AP1S3: variants seen among roughly 807,000 people sequenced by gnomAD.
AP1S3 encodes AP-1 complex subunit sigma-3.
Under a neutral mutation model 20.9 loss-of-function variants are expected in AP1S3, and 10 were observed. That is an observed-to-expected ratio of 0.48 (90% CI 0.29 to 0.81). The LOEUF is 0.81. AP1S3 is among the 30% of genes least tolerant of loss of function. The pLI, the probability that AP1S3 is intolerant of heterozygous loss-of-function variation, is 0.08. For synonymous variants in AP1S3, 41 were observed against 61.5 expected (o/e 0.67, Z 1.56); for missense variants, 154 against 183.8 (o/e 0.84, Z 0.94).
rs187274102 is a variant in AP1S3 at position 223,771,107 on chromosome 2, G to A, written c.291+4794C>T. Among the ~76,000 whole-genome samples, 1,322 of 151,988 alleles carry A rather than the reference G, an allele frequency of 8.7e-3. 14 individuals are homozygous for A. Among genetic ancestry groups the A allele is most frequent in the Non-Finnish European group, 0.014 (959 of 67,976 alleles). ...CCCAGCACTTTGGGGGGGCTGAGGC[G>A]GGCTGATCATTTGAGGTCAAGAGTT... On this transcript the variant is annotated intron_variant, in intron 3 of 4. Transcript: ENST00000396654.
chr2:223,830,336 G>A (rs544533745), intron 1 of AP1S3, among the ~76,000 whole-genome samples: 13 of 151,778 alleles, frequency 8.6e-5, no homozygotes, highest in South Asian at 6.3e-4. Flanking sequence ...AAAATTAGCC[G>A]GGCGTGTTGG....
intron 1 of AP1S3, among the ~76,000 whole-genome samples, chr2:223,835,075 T>C (rs1354627021): frequency 6.6e-6 from 1 of 151,632 alleles, no homozygotes; most frequent in Admixed American, 6.6e-5. Flanking sequence ...AGTTTTGACC[T>C]TGCAGACCTC....
In AP1S3 at chr2:223,757,610, T is replaced by C. The variant is rs1444261332; in HGVS notation, c.*1105A>G. 2.0e-6 allele frequency: 2 copies of C among 985,428 alleles called. No individual in the cohort carries two copies. The highest frequency in any genetic ancestry group is 2.4e-6 in the Non-Finnish European group (2 of 829,946). The allele number at this position is 985,428 out of a possible 1,614,324, so 61.0% of individuals were successfully genotyped here. A position where few individuals can be genotyped will look rare whatever the true frequency, so the allele number is the denominator to read the frequency against. The stretch of plus-strand genomic sequence containing the variant: ...GCCTACAAGCTATTTCCCTGTAATA[T>C]GTCTGATCACTGTTAGGACCTGGTT... On this transcript the variant is annotated 3_prime_UTR_variant, in exon 5 of 5. Transcript: ENST00000396654.
At chr2:223,760,056 A>G (rs2106074224) in intron 4 of AP1S3, among the ~76,000 whole-genome samples, 1 of 152,276 alleles carries the variant, frequency 6.6e-6, no homozygotes, top group Middle Eastern at 3.4e-3. Flanking sequence ...ACTCACAATT[A>G]CAGGTAGAGT....
At position 223,757,775 on chromosome 2, in the gene AP1S3, C is replaced by A; in HGVS notation, c.*940G>T. 1 of 985,390 alleles carries A rather than the reference C, an allele frequency of 1.0e-6. No individual in the cohort carries two copies. The highest frequency in any genetic ancestry group is 1.2e-6 in the Non-Finnish European group (1 of 829,918). The allele number at this position is 985,390 out of a possible 1,614,324, so 61.0% of individuals were successfully genotyped here. On this transcript the variant is annotated 3_prime_UTR_variant, in exon 5 of 5. Coordinates refer to ENST00000396654, the MANE Select transcript of AP1S3 (RefSeq NM_001039569.2). ...AATCTACCATATAGGCTGTGATAAT[C>A]TTAAATGCTCTAAGTAAGCCATGTA...
chr2:223,777,737 TCCTGTGA>T lies in AP1S3; in HGVS notation c.129_135del (p.His44GlnfsTer10), dbSNP rs1459220304. 1.9e-6 allele frequency: 3 copies of T among 1,614,026 alleles called. No homozygotes were observed. The highest frequency in any genetic ancestry group is 2.5e-6 in the Non-Finnish European group (3 of 1,180,028). ...TCCTTCCAGTCAACAAAACTGCTTG[TCCTGTGA>T]CCACGGGAGAGAATAATCTGAACAA... On this transcript the variant is annotated frameshift_variant, in exon 2 of 5. Transcript: ENST00000396654. LOFTEE classifies it high-confidence loss of function.
chr2:223,759,578 T>C (rs148913199), intron 4 of AP1S3, among the ~76,000 whole-genome samples: 108 of 152,334 alleles, frequency 7.1e-4, no homozygotes, highest in African/African-American at 2.6e-3. Flanking sequence ...GTTTCTGCCA[T>C]ATGTTTTCAA....
intron 1 of AP1S3, among the ~76,000 whole-genome samples, chr2:223,818,743 G>A (rs1349966001): frequency 1.3e-5 from 2 of 151,894 alleles, no homozygotes; most frequent in South Asian, 2.1e-4. Context: ...TAGTAGAGAC[G>A]GGGTCTCACC....
intron 1 of AP1S3, among the ~76,000 whole-genome samples, chr2:223,824,174 A>AT (rs1199105223): frequency 6.7e-6 from 1 of 148,432 alleles, no homozygotes; most frequent in Non-Finnish European, 1.5e-5. Context: ...TAACTTTTGT[A>AT]TTTTTTTTAG....
chr2:223,835,122 T>C (rs9288583), intron 1 of AP1S3, among the ~76,000 whole-genome samples: 51,250 of 151,878 alleles, frequency 0.34, 9,044 homozygotes, highest in Middle Eastern at 0.43. Flanking sequence ...GGTACCCAGG[T>C]CACACTTTCA....
intron 1 of AP1S3, among the ~76,000 whole-genome samples, chr2:223,830,084 G>A (rs1030690500): frequency 6.6e-6 from 1 of 152,168 alleles, no homozygotes; most frequent in African/African-American, 2.4e-5. Context: ...CATGAGACCA[G>A]GAGGGTAGCC....
intron 3 of AP1S3, among the ~76,000 whole-genome samples, chr2:223,766,770 CA>C (rs1324724210): frequency 2.6e-4 from 39 of 152,206 alleles, no homozygotes; most frequent in Non-Finnish European, 1.5e-4. Context: ...TTTGTTGCAG[CA>C]CTGTTCACAG....
chr2:223,825,800 T>C (rs1377816089), intron 1 of AP1S3, among the ~76,000 whole-genome samples: 3 of 152,162 alleles, frequency 2.0e-5, no homozygotes, highest in Non-Finnish European at 4.4e-5. Flanking sequence ...GTGGATCACC[T>C]GAGGTCAGGA....
chr2:223,802,964 A>C (rs1053636992), intron 1 of AP1S3, among the ~76,000 whole-genome samples: 2 of 152,238 alleles, frequency 1.3e-5, no homozygotes, highest in African/African-American at 4.8e-5. Context: ...TACTACAATT[A>C]ACTTAATTGT....
chr2:223,810,715 A>C (rs1301871906), intron 1 of AP1S3, among the ~76,000 whole-genome samples: 1 of 145,836 alleles, frequency 6.9e-6, no homozygotes. Context: ...ACATACCTAA[A>C]TGCAAAGATG....
rs1692434770 is a variant in AP1S3, at chr2:223,837,483, AGCAAGGAGC to A, written c.-42_-34del. Reference sequence around the variant, plus strand: ...GGGCCGCCGCCTCCCCCGCCTTGCGAGCAAGGAGCGCTGGAGAAGCGAGGGCGAGAGGCG... The same window carrying A: ...GGGCCGCCGCCTCCCCCGCCTTGCGAGCTGGAGAAGCGAGGGCGAGAGGCG... On this transcript the variant is annotated 5_prime_UTR_variant, in exon 1 of 5. Transcript: ENST00000396654. The A allele has an allele frequency of 7.8e-7, 1 of 1,279,074 alleles. No individual in the cohort carries two copies. Among genetic ancestry groups the A allele is most frequent in the Admixed American group, 3.5e-5 (1 of 28,404 alleles). 79.2% of individuals were successfully genotyped at this position (1,279,074 alleles called of 1,614,324 possible).
At chr2:223,827,302 G>A (rs6747058) in intron 1 of AP1S3, among the ~76,000 whole-genome samples, 73,257 of 151,638 alleles carry the variant, frequency 0.48, 17,731 homozygotes, top group Middle Eastern at 0.58. Context: ...GTTCTATACA[G>A]ACTTCTGAAT....
intron 1 of AP1S3, among the ~76,000 whole-genome samples, chr2:223,828,365 C>T (rs1345319218): frequency 6.8e-6 from 1 of 147,586 alleles, no homozygotes; most frequent in East Asian, 2.1e-4. Flanking sequence ...GGCACAATCT[C>T]GGCTCACTGC....
intron 1 of AP1S3, among the ~76,000 whole-genome samples, chr2:223,809,156 C>A (rs1161041241): frequency 6.6e-6 from 1 of 152,240 alleles, no homozygotes; most frequent in Non-Finnish European, 1.5e-5. Flanking sequence ...CAAAACTTCT[C>A]TCCAGGAAAG....
Sources: allele counts gnomAD v4.1 joint callset (sites outside exome capture counted in the v4.1 genomes callset), GRCh38; gene constraint gnomAD v4.1.1; transcripts MANE v1.5; gene names NCBI Gene and HGNC (gene_info 2026-07-23, HGNC 2026-07-21).